Variants in GPR39 observed in about 807,000 individuals in gnomAD.
GPR39 encodes G protein-coupled receptor 39, also known as zinc sensing receptor.
In GPR39, 23 loss-of-function variants were observed where a neutral mutation model predicts 18.4. That is an observed-to-expected ratio of 1.25 (90% CI 0.90 to 1.77). GPR39 has a LOEUF of 1.77. Among genes scored for constraint, GPR39 ranks in the 40% most tolerant of loss-of-function variants. The pLI, the probability that GPR39 is intolerant of heterozygous loss-of-function variation, is 0.00. For synonymous variants in GPR39, 280 were observed against 257.9 expected (o/e 1.09, Z -0.82); for missense variants, 647 against 602.4 (o/e 1.07, Z -0.78).
intron 1 of GPR39, among the ~76,000 whole-genome samples, chr2:132,476,591 A>T (rs1459669070): frequency 7.1e-6 from 1 of 140,858 alleles, no homozygotes; most frequent in Non-Finnish European, 1.5e-5. Context: ...AGCCGAGATC[A>T]TGCCACTGCA....
chr2:132,471,805 C>T (rs1001914544), intron 1 of GPR39, among the ~76,000 whole-genome samples: 3 of 152,054 alleles, frequency 2.0e-5, no homozygotes, highest in Non-Finnish European at 2.9e-5. Context: ...TAAAATGGGT[C>T]GCTTGGTGTG....
intron 1 of GPR39, among the ~76,000 whole-genome samples, chr2:132,571,345 TCTG>T (rs1216425360): frequency 6.6e-6 from 1 of 152,148 alleles, no homozygotes; most frequent in African/African-American, 2.4e-5. Context: ...TTAATATCAT[TCTG>T]CAGCAAAAAT....
chr2:132,429,973 G>C (rs191145754), intron 1 of GPR39, among the ~76,000 whole-genome samples: 1 of 152,360 alleles, frequency 6.6e-6, no homozygotes, highest in Non-Finnish European at 1.5e-5. Flanking sequence ...TTGATAGCTA[G>C]GCTAATGGAT....
intron 1 of GPR39, among the ~76,000 whole-genome samples, chr2:132,488,102 GT>G (rs1288765841): frequency 6.6e-6 from 1 of 152,080 alleles, no homozygotes; most frequent in Non-Finnish European, 1.5e-5. Flanking sequence ...AAACTAAATG[GT>G]AAGTAGACAA....
chr2:132,628,013 T>G (rs1033163346), intron 1 of GPR39, among the ~76,000 whole-genome samples: 11 of 152,198 alleles, frequency 7.2e-5, no homozygotes, highest in African/African-American at 2.4e-4. Flanking sequence ...TGTTATATTT[T>G]GGGCTTCTGG....
chr2:132,540,044 A>T (rs949450281), intron 1 of GPR39, among the ~76,000 whole-genome samples: 2 of 151,898 alleles, frequency 1.3e-5, no homozygotes, highest in Non-Finnish European at 2.9e-5. Flanking sequence ...AGACCAAGAA[A>T]ATCCGTGTCT....
intron 1 of GPR39, among the ~76,000 whole-genome samples, chr2:132,467,327 C>A (rs1280177529): frequency 2.6e-5 from 4 of 152,180 alleles, no homozygotes; most frequent in Admixed American, 2.6e-4. Context: ...CCAAATACTG[C>A]ATGTTCTCGC....
intron 1 of GPR39, among the ~76,000 whole-genome samples, chr2:132,509,048 C>T (rs1189763230): frequency 1.3e-5 from 2 of 152,188 alleles, no homozygotes; most frequent in Non-Finnish European, 2.9e-5. Flanking sequence ...AGACGGGCAT[C>T]AGAAACTGCT....
chr2:132,488,060 G>T (rs547629490), intron 1 of GPR39, among the ~76,000 whole-genome samples: 2 of 152,248 alleles, frequency 1.3e-5, no homozygotes, highest in Admixed American at 1.3e-4. Flanking sequence ...CCATTTTTAG[G>T]TCCTATTTGC....
intron 1 of GPR39, among the ~76,000 whole-genome samples, chr2:132,446,375 G>A (rs1232059367): frequency 6.6e-6 from 1 of 152,206 alleles, no homozygotes; most frequent in Non-Finnish European, 1.5e-5. Flanking sequence ...TAAACCAGAT[G>A]TTGCAATTCA....
At chr2:132,582,071 A>G (rs1029897277) in intron 1 of GPR39, among the ~76,000 whole-genome samples, 13 of 152,144 alleles carry the variant, frequency 8.5e-5, no homozygotes, top group Non-Finnish European at 1.8e-4. Flanking sequence ...TGATTAAGTG[A>G]CAGGTGTGCT....
At chr2:132,420,756 T>C (rs1196068505) in intron 1 of GPR39, among the ~76,000 whole-genome samples, 1 of 152,188 alleles carries the variant, frequency 6.6e-6, no homozygotes, top group African/African-American at 2.4e-5. Context: ...AGGAAGCCCA[T>C]GTAAAAAATA....
intron 1 of GPR39, among the ~76,000 whole-genome samples, chr2:132,508,715 C>T (rs1679181240): frequency 1.3e-5 from 2 of 152,188 alleles, no homozygotes; most frequent in Admixed American, 1.3e-4. Flanking sequence ...GGGCAATAAG[C>T]ATATGCTGGG....
At chr2:132,562,260 A>G (rs1333643123) in intron 1 of GPR39, among the ~76,000 whole-genome samples, 1 of 152,092 alleles carries the variant, frequency 6.6e-6, no homozygotes, top group Non-Finnish European at 1.5e-5. Flanking sequence ...CTGCCACCAA[A>G]GTGGTTTTCT....
At chr2:132,595,633 G>A (rs1231408623) in intron 1 of GPR39, among the ~76,000 whole-genome samples, 1 of 152,034 alleles carries the variant, frequency 6.6e-6, no homozygotes, top group Non-Finnish European at 1.5e-5. Flanking sequence ...TTTTATTATG[G>A]AATAATTCTG....
chr2:132,615,170 G>T (rs1681313584), intron 1 of GPR39, among the ~76,000 whole-genome samples: 2 of 152,300 alleles, frequency 1.3e-5, no homozygotes, highest in South Asian at 4.1e-4. Flanking sequence ...TCTAGTCAGA[G>T]CTTGGGAAGT....
intron 1 of GPR39, among the ~76,000 whole-genome samples, chr2:132,532,712 A>C (rs1679664034): frequency 6.6e-6 from 1 of 152,222 alleles, no homozygotes; most frequent in African/African-American, 2.4e-5. Flanking sequence ...AATAAACATA[A>C]TCCGGCATAT....
At chr2:132,422,986 T>C (rs1680043226) in intron 1 of GPR39, among the ~76,000 whole-genome samples, 1 of 151,976 alleles carries the variant, frequency 6.6e-6, no homozygotes, top group Admixed American at 6.6e-5. Context: ...CCATTCAGAA[T>C]AAAAGCCATT....
At chr2:132,530,085 A>G (rs982273105) in intron 1 of GPR39, among the ~76,000 whole-genome samples, 7 of 152,076 alleles carry the variant, frequency 4.6e-5, no homozygotes, top group Admixed American at 3.9e-4. Context: ...AACCAATGGC[A>G]AAGAAGTTAA....
Sources: gnomAD v4.1 joint callset for allele counts (sites outside exome capture counted in the v4.1 genomes callset) on GRCh38, gnomAD v4.1.1 for gene constraint, MANE v1.5 for transcripts, NCBI Gene and HGNC (gene_info 2026-07-23, HGNC 2026-07-21) for gene names.